SLAIN1: variants seen among roughly 807,000 people sequenced by gnomAD.
SLAIN1 encodes the protein SLAIN motif-containing protein 1.
Under a neutral mutation model 55.4 loss-of-function variants are expected in SLAIN1, and 17 were observed. That is an observed-to-expected ratio of 0.31 (90% confidence interval 0.21 to 0.46). SLAIN1 has a LOEUF of 0.46. Ranked by LOEUF, SLAIN1 falls within the 20% of genes least tolerant of loss-of-function variation. The probability of loss-of-function intolerance (pLI) is 1.00; values close to 1 mark genes in which losing one functional copy is unlikely to be tolerated. For missense variants in SLAIN1, 682 were observed against 785.1 expected (o/e 0.87, Z 1.57); for synonymous variants, 348 against 337.4 (o/e 1.03, Z -0.35).
chr13:77,730,693 A>C (rs1278512575), intron 2 of SLAIN1, among the ~76,000 whole-genome samples: 1 of 152,148 alleles, frequency 6.6e-6, no homozygotes, highest in Non-Finnish European at 1.5e-5. Context: ...GTAAGGTTGT[A>C]TTTCAAGAAA....
intron 1 of SLAIN1, among the ~76,000 whole-genome samples, chr13:77,701,478 A>C (rs2091030129): frequency 6.6e-6 from 1 of 152,126 alleles, no homozygotes; most frequent in Non-Finnish European, 1.5e-5. Flanking sequence ...GGTCTTTGAG[A>C]TCATTTTTCT....
At chr13:77,729,850 C>T (rs952278625) in intron 2 of SLAIN1, among the ~76,000 whole-genome samples, 3 of 152,086 alleles carry the variant, frequency 2.0e-5, no homozygotes, top group Non-Finnish European at 2.9e-5. Flanking sequence ...TTCCCAAAGA[C>T]GTGAGGCATC....
intron 2 of SLAIN1, among the ~76,000 whole-genome samples, chr13:77,735,800 T>A (rs1044452924): frequency 6.6e-6 from 1 of 152,148 alleles, no homozygotes; most frequent in Non-Finnish European, 1.5e-5. Context: ...AGTCTGTGGC[T>A]GTGCTCTCAT....
intron 5 of SLAIN1, among the ~76,000 whole-genome samples, chr13:77,757,080 A>G (rs1161481784): frequency 6.6e-6 from 1 of 152,198 alleles, no homozygotes; most frequent in Non-Finnish European, 1.5e-5. Context: ...TAAAAAATTA[A>G]CACTTTTTTG....
intron 1 of SLAIN1, among the ~76,000 whole-genome samples, chr13:77,703,022 A>C (rs1050015185): frequency 2.0e-5 from 3 of 152,180 alleles, no homozygotes; most frequent in African/African-American, 7.2e-5. Context: ...TAGGTCTTGC[A>C]CACCTCAACC....
Position 77,746,584 on chromosome 13 carries a change from A to G in SLAIN1, c.987A>G (p.Ser329=). ...ATAGTTCCAGTGTGTCATTGAGTTC[A>G]GGAAAAAAAGGGACATGTAGTGATC... ...SRHSSSVSLS[S]GKKGTCSDQE... Residue 329 remains serine, a synonymous_variant, in exon 4 of 7, where the codon TCA becomes TCG. Transcript: ENST00000418532. The G allele has an allele frequency of 1.2e-6, 2 of 1,613,604 alleles. No homozygotes were observed. Among genetic ancestry groups the G allele is most frequent in the African/African-American group, 1.3e-5 (1 of 75,004 alleles).
intron 1 of SLAIN1, among the ~76,000 whole-genome samples, chr13:77,714,335 G>C (rs562079991): frequency 3.9e-5 from 6 of 152,224 alleles, no homozygotes; most frequent in African/African-American, 1.4e-4. Context: ...CTGAGTACTG[G>C]TCATGGTGGG....
At position 77,737,540 on chromosome 13, in the gene SLAIN1, C is replaced by T. The variant is rs147834923; in HGVS notation, c.767-6743C>T. Among the ~76,000 whole-genome samples, 170 of 152,152 alleles carry T rather than the reference C, an allele frequency of 1.1e-3. 1 individual carries two copies. Among genetic ancestry groups the T allele is most frequent in the Non-Finnish European group, 8.2e-4 (56 of 67,982 alleles). ...AACCTACCAACCTCTCCAGCCCTAACTCTTCTCTTATACCCTATGCTTTAG... is the reference window on the plus strand; with the variant it reads ...AACCTACCAACCTCTCCAGCCCTAATTCTTCTCTTATACCCTATGCTTTAG... On this transcript the variant is annotated intron_variant, in intron 2 of 6. Transcript: ENST00000418532.
At chr13:77,721,361 C>G (rs1014990278) in intron 2 of SLAIN1, among the ~76,000 whole-genome samples, 1 of 152,128 alleles carries the variant, frequency 6.6e-6, no homozygotes, top group African/African-American at 2.4e-5. Context: ...TTATAAATTA[C>G]CCAGTCTCAG....
At chr13:77,720,557 A>T (rs2091252295) in intron 2 of SLAIN1, among the ~76,000 whole-genome samples, 2 of 152,220 alleles carry the variant, frequency 1.3e-5, no homozygotes, top group Non-Finnish European at 2.9e-5. Flanking sequence ...ACAAAGCATT[A>T]TAGATAATGC....
intron 1 of SLAIN1, chr13:77,699,202 TTTC>T (rs1168722128): frequency 4.6e-6 from 3 of 647,062 alleles, no homozygotes; most frequent in Non-Finnish European, 7.6e-6. Context: ...AAAGAGGACT[TTTC>T]TTGGAGTGGA....
chr13:77,747,298 T>C (rs898164685), intron 4 of SLAIN1, among the ~76,000 whole-genome samples: 1 of 152,114 alleles, frequency 6.6e-6, no homozygotes, highest in African/African-American at 2.4e-5. Flanking sequence ...AAAATCATCC[T>C]CCAGACCTTC....
At chr13:77,723,745 T>C (rs1174706848) in intron 2 of SLAIN1, among the ~76,000 whole-genome samples, 1 of 152,186 alleles carries the variant, frequency 6.6e-6, no homozygotes, top group Non-Finnish European at 1.5e-5. Context: ...GTGTGTGCTA[T>C]AAACTTTAGT....
intron 6 of SLAIN1, among the ~76,000 whole-genome samples, chr13:77,762,879 A>C (rs1445929151): frequency 6.6e-6 from 1 of 152,188 alleles, no homozygotes; most frequent in African/African-American, 2.4e-5. Flanking sequence ...TGTTTTATAC[A>C]TTAAGGGTAT....
intron 2 of SLAIN1, among the ~76,000 whole-genome samples, chr13:77,728,398 T>C (rs2091327501): frequency 1.3e-5 from 2 of 152,188 alleles, no homozygotes; most frequent in African/African-American, 4.8e-5. Context: ...AAAGCTTATC[T>C]TGGCTTAAGG....
intron 2 of SLAIN1, among the ~76,000 whole-genome samples, chr13:77,728,566 TGAA>T (rs2091329213): frequency 6.6e-6 from 1 of 152,198 alleles, no homozygotes; most frequent in South Asian, 2.1e-4. Context: ...TAAGGAAATG[TGAA>T]TAGAAATTAC....
chr13:77,728,807 G>C (rs928113644), intron 2 of SLAIN1, among the ~76,000 whole-genome samples: 1 of 152,140 alleles, frequency 6.6e-6, no homozygotes, highest in Non-Finnish European at 1.5e-5. Context: ...GTCTCTCCTT[G>C]CTTGGCCCAA....
chr13:77,744,960 G>A (rs1042381115), intron 3 of SLAIN1, among the ~76,000 whole-genome samples: 2 of 151,996 alleles, frequency 1.3e-5, no homozygotes, highest in Non-Finnish European at 2.9e-5. Context: ...GGGAATCATG[G>A]TGAATAAAAA....
At chr13:77,755,111 C>A (rs1298467398) in intron 5 of SLAIN1, among the ~76,000 whole-genome samples, 2 of 151,936 alleles carry the variant, frequency 1.3e-5, no homozygotes, top group Non-Finnish European at 2.9e-5. Flanking sequence ...TTACAAAAAT[C>A]AGTAACATAC....
Sources: gnomAD v4.1 joint callset for allele counts (sites outside exome capture counted in the v4.1 genomes callset) on GRCh38, gnomAD v4.1.1 for gene constraint, MANE v1.5 for transcripts, NCBI Gene and HGNC (gene_info 2026-07-23, HGNC 2026-07-21) for gene names.